CDC42BPG: variants seen among roughly 807,000 people sequenced by gnomAD.
CDC42BPG encodes CDC42 binding protein kinase gamma.
In CDC42BPG, 157 loss-of-function variants were observed where a neutral mutation model predicts 192.2. The observed-to-expected ratio is 0.82, with a 90% CI of 0.72 to 0.93. The LOEUF is 0.93. Among genes scored for constraint, CDC42BPG ranks in the 40% least tolerant of loss-of-function variants. CDC42BPG has a pLI of 0.00. For synonymous variants in CDC42BPG, 981 were observed against 918.5 expected (o/e 1.07, Z -1.23); for missense variants, 1,992 against 2,122.1 (o/e 0.94, Z 1.20).
In CDC42BPG at chr11:64,833,644, C is replaced by G; in HGVS notation, c.2581G>C (p.Ala861Pro). ...GTAGAGGCTGTGTTGGCAGTGGGTG[C>G]TCTGGGGAACACAGCCTGCAGGAGG... ...SLRMGAVFPR[A>P]PTANTASTEG... Residue 861 changes from alanine to proline, a missense_variant, in exon 23 of 37, where the codon GCA becomes CCA. Coordinates refer to ENST00000342711, the MANE Select transcript of CDC42BPG (RefSeq NM_017525.3). 6.2e-7 allele frequency: 1 copy of G among 1,612,254 alleles called. No individual in the cohort carries two copies. The highest frequency in any genetic ancestry group is 8.5e-7 in the Non-Finnish European group (1 of 1,179,516).
In CDC42BPG at chr11:64,835,569, G is replaced by C; in HGVS notation, c.1811C>G (p.Pro604Arg). 2 of 1,585,864 alleles carry C rather than the reference G, an allele frequency of 1.3e-6. No individual in the cohort carries two copies. Among genetic ancestry groups the C allele is most frequent in the Non-Finnish European group, 8.5e-7 (1 of 1,169,696 alleles). ...CTCCTTCCTCAGTTGGGCCTCCTGA[G>C]GCCCACCCTCAGGGGGTCCCATCCC... Reference protein sequence around the residue: ...TNGMGPPEGGPQEAQLRKEVA... With the variant: ...TNGMGPPEGGRQEAQLRKEVA... The change falls in exon 15 of 37, where the codon CCT (proline) becomes CGT (arginine). Residue 604 changes from proline (P) to arginine (R), a missense_variant. Around this residue, in one of 2 missense-constraint regions of CDC42BPG, gnomAD observed 1,656 missense variants for 1,844.3 expected, o/e 0.90. Coordinates refer to ENST00000342711, the MANE Select transcript of CDC42BPG (RefSeq NM_017525.3).
In CDC42BPG at chr11:64,841,911, G is replaced by T. The variant is rs536404087; in HGVS notation, c.161-7C>A. 6.3e-7 allele frequency: 1 copy of T among 1,591,854 alleles called. No homozygotes were observed. Among genetic ancestry groups the T allele is most frequent in the South Asian group, 1.1e-5 (1 of 88,660 alleles). On this transcript the variant is annotated splice_region_variant and splice_polypyrimidine_tract_variant and intron_variant, in intron 1 of 36. Coordinates refer to ENST00000342711, the MANE Select transcript of CDC42BPG (RefSeq NM_017525.3). ...TTTGATACGAAGGGGCTGGCTGAGG[G>T]GACACAGGGCGGGACTCAGAGTGCA...
chr11:64,843,266 C>T (rs1943361141), intron 1 of CDC42BPG, among the ~76,000 whole-genome samples: 2 of 152,062 alleles, frequency 1.3e-5, no homozygotes, highest in African/African-American at 4.8e-5. Flanking sequence ...TGCCGGGGTC[C>T]CAGGCAGAGG....
At position 64,833,810 on chromosome 11, in the gene CDC42BPG, G is replaced by A; in HGVS notation, c.2493C>T (p.Ile831=). ...SEKDSAKDPG[I]SGEATRHGGE... ...CTCCATGCCTTGTGGCCTCTCCTGA[G>A]ATGCCAGGGTCCTTGGCAGAATCCT... The change falls in exon 22 of 37, where the codon ATC becomes ATT. Residue 831 remains isoleucine, a synonymous_variant. Transcript: ENST00000342711. 6.2e-7 allele frequency: 1 copy of A among 1,614,242 alleles called. No homozygotes were observed.
Position 64,824,409 on chromosome 11 carries a change from C to G in CDC42BPG, c.*64G>C. On this transcript the variant is annotated 3_prime_UTR_variant, in exon 37 of 37. Transcript: ENST00000342711. ...CCGGACCAGCCGGAGTATGGCATTCCTCAAGCTCTTTGCTCCCTCATGTCC... is the reference window on the plus strand; with the variant it reads ...CCGGACCAGCCGGAGTATGGCATTCGTCAAGCTCTTTGCTCCCTCATGTCC... The G allele has an allele frequency of 8.7e-7, 1 of 1,143,650 alleles. No individual in the cohort carries two copies. Among genetic ancestry groups the G allele is most frequent in the Non-Finnish European group, 1.3e-6 (1 of 748,836 alleles). The allele number at this position is 1,143,650 out of a possible 1,614,324, so 70.8% of individuals were successfully genotyped here. A position where few individuals can be genotyped will look rare whatever the true frequency, so the allele number is the denominator to read the frequency against.
Position 64,836,234 on chromosome 11 carries a change from C to A in CDC42BPG, c.1551G>T (p.Gly517=), listed in dbSNP as rs78984373. ...GCCTCTGAAGCAGCTCCTCCTGCTG[C>A]CCCTGGGCCCTGCAGAGCTCCTGCT... The part of the protein sequence containing the change: ...AQEQELCRAQ[G]QQEELLQRLQ... Residue 517 remains glycine, a synonymous_variant, in exon 13 of 37, where the codon GGG becomes GGT. Transcript: ENST00000342711. 432 of 1,600,542 alleles carry A rather than the reference C, an allele frequency of 2.7e-4. 5 individuals are homozygous for A. In the East Asian group the frequency reaches 9.5e-3, roughly 35 times the overall value.
At position 64,832,832 on chromosome 11, in the gene CDC42BPG, A is replaced by C. The variant is rs764801707; in HGVS notation, c.2859T>G (p.Phe953Leu). 144 of 1,586,266 alleles carry C rather than the reference A, an allele frequency of 9.1e-5. No individual in the cohort carries two copies. Among genetic ancestry groups the C allele is most frequent in the Non-Finnish European group, 1.2e-4 (139 of 1,166,692 alleles). The change falls in exon 25 of 37, where the codon TTT (phenylalanine) becomes TTG (leucine). Residue 953 changes from phenylalanine (F) to leucine (L), a missense_variant. Physicochemically the swap from Phe to Leu is conservative, Grantham distance 22. This residue lies in a region of CDC42BPG where 1,656 missense variants were observed against 1,844.3 expected (regional missense o/e 0.90). Transcript: ENST00000342711. Reference sequence around the variant, plus strand: ...TCCCTCGGCCCCCACTCACCGACAGAAAGCCCTCATAGGCAGTGCCTGTGC... The same window carrying C: ...TCCCTCGGCCCCCACTCACCGACAGCAAGCCCTCATAGGCAGTGCCTGTGC... The part of the protein sequence containing the change: ...ETGTGTAYEG[F>L]LSVPRPSGVR...
chr11:64,829,821 T>C lies in CDC42BPG; in HGVS notation c.3617A>G (p.Tyr1206Cys), dbSNP rs1401433447. Residue 1206 changes from tyrosine (Y) to cysteine (C), a missense_variant, in exon 30 of 37, where the codon TAC becomes TGC. By Grantham distance (194) the Tyr-to-Cys change is radical. Coordinates refer to ENST00000342711, the MANE Select transcript of CDC42BPG (RefSeq NM_017525.3). ...CVAVKRQVLC[Y>C]QLGPGPGPWQ... is the part of the protein sequence containing the mutation. ...GGGCCCAGGGCCCGGGCCCAGCTGG[T>C]AGCAGAGCACCTGGCGCTTGACGGC... 3 of 1,605,176 alleles carry C rather than the reference T, an allele frequency of 1.9e-6. No individual in the cohort carries two copies. The highest frequency in any genetic ancestry group is 2.5e-6 in the Non-Finnish European group (3 of 1,177,424).
chr11:64,840,296 C>G (rs377651311), intron 4 of CDC42BPG, 28 bp from the exon 5 acceptor site: 1 of 1,603,028 alleles, frequency 6.2e-7, no homozygotes, highest in Non-Finnish European at 8.5e-7. Flanking sequence ...GAATCAGACC[C>G]GGGGGAAGGG....
rs1942906081 is a variant in CDC42BPG at position 64,834,975 on chromosome 11, GGGGCTCAGGGTCAT to G, written c.2061-26_2061-13del. The G allele has an allele frequency of 1.9e-6, 3 of 1,613,588 alleles. No homozygotes were observed. In the Admixed American group the frequency reaches 5.0e-5, roughly 27 times the overall value. On this transcript the variant is annotated splice_polypyrimidine_tract_variant and intron_variant, in intron 17 of 36. Coordinates refer to ENST00000342711, the MANE Select transcript of CDC42BPG (RefSeq NM_017525.3). ...TCTCATCATTCACCCTGAATGGGAA[GGGGCTCAGGGTCAT>G]GGGCTGGGCCCTCAGTCTCGCCTGC... is the stretch of plus-strand genomic sequence containing the variant.
At chr11:64,834,150 A>G in intron 20 of CDC42BPG, 116 bp downstream of exon 20, 1 of 1,381,122 alleles carries the variant, frequency 7.2e-7, no homozygotes, top group Non-Finnish European at 1.0e-6. Flanking sequence ...TAAGCGGCAG[A>G]GTCCAGGAAC....
In CDC42BPG at chr11:64,832,972, TGGA is replaced by T. The variant is rs1269278707; in HGVS notation, c.2732-16_2732-14del. On this transcript the variant is annotated splice_polypyrimidine_tract_variant and intron_variant, in intron 24 of 36. Transcript: ENST00000342711. The stretch of plus-strand genomic sequence containing the variant: ...AAGTAGCCGCAGGCTGTGGGGAAAG[TGGA>T]GAAGGTGGATGAGGTGAGGCTGGGA... 1.1e-5 allele frequency: 16 copies of T among 1,516,354 alleles called. No homozygotes were observed. In the Admixed American group the frequency reaches 3.4e-4, roughly 32 times the overall value. The allele number at this position is 1,516,354 out of a possible 1,614,324, so 93.9% of individuals were successfully genotyped here.
Position 64,833,739 on chromosome 11 carries a change from C to G in CDC42BPG, c.2564G>C (p.Gly855Ala). Residue 855 changes from glycine to alanine, a missense_variant and splice_region_variant, in exon 22 of 37, where the codon GGG (glycine) becomes GCG (alanine). Gly to Ala is a moderately conservative substitution (Grantham distance 60). Coordinates refer to ENST00000342711, the MANE Select transcript of CDC42BPG (RefSeq NM_017525.3). ...TACGATGGACCCACCTGTCCTCACCCCCATGCGCAGGCTGCGTCGGCCCTC... is the reference window on the plus strand; with the variant it reads ...TACGATGGACCCACCTGTCCTCACCGCCATGCGCAGGCTGCGTCGGCCCTC... ...RPEGRRSLRM[G>A]AVFPRAPTAN... 6.2e-7 allele frequency: 1 copy of G among 1,614,064 alleles called. No homozygotes were observed. Among genetic ancestry groups the G allele is most frequent in the Non-Finnish European group, 8.5e-7 (1 of 1,180,020 alleles).
In CDC42BPG at chr11:64,827,800, C is replaced by G. The variant is rs375926054; in HGVS notation, c.3968-17G>C. ...CCGCATACCCTGCGGGCACGCCAGG[C>G]ACCTCTGAGCTGTTTCCCCCTCTGT... On this transcript the variant is annotated splice_polypyrimidine_tract_variant and intron_variant, in intron 30 of 36. Transcript: ENST00000342711. The G allele has an allele frequency of 1.1e-4, 173 of 1,581,606 alleles. No individual in the cohort carries two copies. Among genetic ancestry groups the G allele is most frequent in the Middle Eastern group, 1.7e-4 (1 of 5,908 alleles).
At position 64,836,710 on chromosome 11, in the gene CDC42BPG, G is replaced by GGGC. The variant is rs1555173132; in HGVS notation, c.1384+28_1384+29insGCC. On this transcript the variant is annotated intron_variant, in intron 11 of 36. Coordinates refer to ENST00000342711, the MANE Select transcript of CDC42BPG (RefSeq NM_017525.3). ...AGCCCAGGTGGGACTCAGCCCTGGG[G>GGGC]GGGGGGGGGGGGTGGGCGGAAGGGA... 6.0e-5 allele frequency: 42 copies of GGGC among 704,800 alleles called. 1 individual carries two copies. Among genetic ancestry groups the GGGC allele is most frequent in the Middle Eastern group, 9.1e-4 (2 of 2,196 alleles). 43.7% of individuals were successfully genotyped at this position (704,800 alleles called of 1,614,324 possible).
chr11:64,839,388 T>G, intron 6 of CDC42BPG, 90 bp downstream of exon 6: 3 of 1,506,006 alleles, frequency 2.0e-6, no homozygotes, highest in Non-Finnish European at 9.1e-7. Flanking sequence ...GGGGGCCTGA[T>G]GCCTCTGCAC....
At position 64,840,176 on chromosome 11, in the gene CDC42BPG, G is replaced by A. The variant is rs771349824; in HGVS notation, c.525C>T (p.Tyr175=). The part of the protein sequence containing the change: ...DRLPPELAQF[Y]LAEMVLAIHS... ...GGATGGCCAGCACCATCTCAGCCAG[G>A]TAGAACTGGGCCAGCTCGGGCGGGA... Residue 175 remains tyrosine, a synonymous_variant, in exon 5 of 37, where the codon TAC becomes TAT. Coordinates refer to ENST00000342711, the MANE Select transcript of CDC42BPG (RefSeq NM_017525.3). 8.1e-6 allele frequency: 13 copies of A among 1,613,070 alleles called. No individual in the cohort carries two copies. Among genetic ancestry groups the A allele is most frequent in the Non-Finnish European group, 1.1e-5 (13 of 1,179,962 alleles).
chr11:64,835,974 G>A, intron 13 of CDC42BPG, 123 bp from the exon 14 acceptor site: 1 of 1,294,310 alleles, frequency 7.7e-7, no homozygotes, highest in Non-Finnish European at 1.1e-6. Flanking sequence ...CTCCCAGACT[G>A]CCCCGTCCCA....
chr11:64,824,927 GT>G (rs746454149), intron 36 of CDC42BPG, among the ~76,000 whole-genome samples: 28 of 131,750 alleles, frequency 2.1e-4, no homozygotes, highest in East Asian at 8.7e-4. Context: ...TTTGTTTTTC[GT>G]TTTTTTTTTT....
Sources: gnomAD v4.1 joint callset for allele counts (sites outside exome capture counted in the v4.1 genomes callset) on GRCh38, gnomAD v4.1.1 for gene constraint, gnomAD v4.1.1 regional missense constraint, MANE v1.5 for transcripts, NCBI Gene and HGNC (gene_info 2026-07-23, HGNC 2026-07-21) for gene names.